The following NTNG1 variants were observed in gnomAD, a reference collection of about 807,000 sequenced individuals.
NTNG1 encodes netrin G1.
In NTNG1, 16 loss-of-function variants were observed where a neutral mutation model predicts 54.0. The observed-to-expected ratio is 0.30, with a 90% CI of 0.20 to 0.45. The LOEUF is 0.45. NTNG1 is among the 20% of genes least tolerant of loss of function. The pLI is 1.00. For missense variants in NTNG1, 530 were observed against 678.7 expected (o/e 0.78, Z 2.43); for synonymous variants, 255 against 263.1 (o/e 0.97, Z 0.30).
At chr1:107,258,934 A>G (rs1054909986) in intron 2 of NTNG1, among the ~76,000 whole-genome samples, 4 of 152,224 alleles carry the variant, frequency 2.6e-5, no homozygotes, top group Non-Finnish European at 4.4e-5. Flanking sequence ...GTAAGATTAG[A>G]GAGAATGCAT....
intron 3 of NTNG1, among the ~76,000 whole-genome samples, chr1:107,370,883 A>G (rs996860007): frequency 6.6e-5 from 10 of 152,026 alleles, no homozygotes; most frequent in African/African-American, 1.9e-4. Flanking sequence ...ATAATTTTCA[A>G]CAGTTTGTTA....
chr1:107,231,261 C>T (rs1661046805), intron 2 of NTNG1, among the ~76,000 whole-genome samples: 1 of 152,138 alleles, frequency 6.6e-6, no homozygotes, highest in South Asian at 2.1e-4. Flanking sequence ...CATAAACAAG[C>T]AGAGGTGCCC....
intron 2 of NTNG1, among the ~76,000 whole-genome samples, chr1:107,167,689 G>T (rs897064901): frequency 2.0e-5 from 3 of 151,914 alleles, no homozygotes; most frequent in African/African-American, 7.2e-5. Context: ...AATTTTTATT[G>T]AGTATATTTC....
chr1:107,421,118 T>C (rs1486925862), intron 5 of NTNG1: 11 of 1,609,896 alleles, frequency 6.8e-6, no homozygotes, highest in African/African-American at 2.7e-5. Context: ...CAGTTTCTTC[T>C]GTTCAAGTTG....
At chr1:107,239,814 T>C (rs1661700916) in intron 2 of NTNG1, among the ~76,000 whole-genome samples, 2 of 152,132 alleles carry the variant, frequency 1.3e-5, no homozygotes, top group African/African-American at 4.8e-5. Flanking sequence ...TCCTTGATAG[T>C]GGAGGTGGAT....
At chr1:107,281,333 T>A (rs1246992530) in intron 2 of NTNG1, among the ~76,000 whole-genome samples, 1 of 151,998 alleles carries the variant, frequency 6.6e-6, no homozygotes, top group Non-Finnish European at 1.5e-5. Flanking sequence ...TAACTGCTCT[T>A]GGAATTTATA....
Position 107,481,483 on chromosome 1 carries a change from A to C in NTNG1, c.*643A>C, listed in dbSNP as rs1003343645. 3 of 152,784 alleles carry C rather than the reference A, an allele frequency of 2.0e-5. No individual in the cohort carries two copies. Among genetic ancestry groups the C allele is most frequent in the African/African-American group, 7.2e-5 (3 of 41,598 alleles). 9.5% of individuals were successfully genotyped at this position (152,784 alleles called of 1,614,324 possible). ...GCAGCACTGAGTCCAGTGCGAGCAC[A>C]CACCCACTATACAAGAGTGGCTATA... On this transcript the variant is annotated 3_prime_UTR_variant, in exon 8 of 8. Coordinates refer to ENST00000370068, the MANE Select transcript of NTNG1 (RefSeq NM_001113226.3).
chr1:107,154,157 G>C (rs1199246108), intron 2 of NTNG1, among the ~76,000 whole-genome samples: 2 of 152,070 alleles, frequency 1.3e-5, no homozygotes, highest in East Asian at 3.9e-4. Context: ...TGTATACAGA[G>C]GGTAGAAGAA....
intron 2 of NTNG1, among the ~76,000 whole-genome samples, chr1:107,311,599 T>C (rs1049437297): frequency 1.3e-5 from 2 of 152,152 alleles, no homozygotes; most frequent in African/African-American, 4.8e-5. Flanking sequence ...TTCTTTAAGC[T>C]TGATTATGTC....
chr1:107,425,170 G>C (rs950898147), intron 5 of NTNG1, among the ~76,000 whole-genome samples: 2 of 147,306 alleles, frequency 1.4e-5, no homozygotes, highest in African/African-American at 5.0e-5. Flanking sequence ...TGAGCATGAA[G>C]AGATGAAAAG....
chr1:107,248,935 G>A (rs981234226), intron 2 of NTNG1, among the ~76,000 whole-genome samples: 3 of 151,318 alleles, frequency 2.0e-5, no homozygotes, highest in Admixed American at 1.3e-4. Flanking sequence ...GATCATCTGA[G>A]GTCAGGAGTT....
intron 3 of NTNG1, among the ~76,000 whole-genome samples, chr1:107,326,912 T>C (rs994530632): frequency 6.6e-6 from 1 of 152,160 alleles, no homozygotes; most frequent in Non-Finnish European, 1.5e-5. Context: ...TCCACTGATG[T>C]CAAGCATGCC....
chr1:107,252,962 T>C (rs1398815944), intron 2 of NTNG1, among the ~76,000 whole-genome samples: 2 of 152,212 alleles, frequency 1.3e-5, no homozygotes, highest in African/African-American at 4.8e-5. Flanking sequence ...TCACCGTCTT[T>C]ACTGGAGTAA....
At chr1:107,260,717 C>A (rs1180380066) in intron 2 of NTNG1, 1 of 152,182 alleles carries the variant, frequency 6.6e-6, no homozygotes, top group African/African-American at 2.4e-5. Context: ...AGCATCCCCA[C>A]CATTATTACC....
At chr1:107,430,003 A>G (rs1675154886) in intron 5 of NTNG1, among the ~76,000 whole-genome samples, 1 of 152,132 alleles carries the variant, frequency 6.6e-6, no homozygotes, top group South Asian at 2.1e-4. Context: ...GTGGGGTTAC[A>G]GTAGCTACCT....
intron 7 of NTNG1, among the ~76,000 whole-genome samples, chr1:107,478,393 A>C (rs1678469724): frequency 2.6e-5 from 4 of 152,186 alleles, no homozygotes; most frequent in Admixed American, 2.6e-4. Flanking sequence ...ATATTTATTA[A>C]ATTTCTCACA....
At chr1:107,331,288 A>G (rs1051775682) in intron 3 of NTNG1, among the ~76,000 whole-genome samples, 1 of 152,004 alleles carries the variant, frequency 6.6e-6, no homozygotes, top group Non-Finnish European at 1.5e-5. Flanking sequence ...AATAGCAACA[A>G]TGAATCAATA....
chr1:107,442,227 A>G (rs2101424308), intron 7 of NTNG1, among the ~76,000 whole-genome samples: 1 of 152,270 alleles, frequency 6.6e-6, no homozygotes, highest in East Asian at 1.9e-4. Flanking sequence ...ATTGTCACAT[A>G]AGGGAGCAAA....
intron 2 of NTNG1, among the ~76,000 whole-genome samples, chr1:107,281,286 A>G (rs1570576192): frequency 6.6e-6 from 1 of 152,128 alleles, no homozygotes; most frequent in African/African-American, 2.4e-5. Flanking sequence ...GACATGAATG[A>G]CCAGCCTCAG....
Sources: gnomAD v4.1 joint callset for allele counts (sites outside exome capture counted in the v4.1 genomes callset) on GRCh38, gnomAD v4.1.1 for gene constraint, MANE v1.5 for transcripts, NCBI Gene and HGNC (gene_info 2026-07-23, HGNC 2026-07-21) for gene names.